Variants in PPFIA2 observed in about 807,000 individuals in gnomAD.
PPFIA2 encodes the protein PPFI scaffold protein A2.
In PPFIA2, 46 loss-of-function variants were observed where a neutral mutation model predicts 175.5. That is an observed-to-expected ratio of 0.26 (90% confidence interval 0.21 to 0.34). The LOEUF (loss-of-function observed/expected upper bound fraction) is 0.34, where lower values mean the gene tolerates loss of function less well. Ranked by LOEUF, PPFIA2 falls within the 10% of genes least tolerant of loss-of-function variation. The probability of loss-of-function intolerance (pLI) is 1.00; values close to 1 mark genes in which losing one functional copy is unlikely to be tolerated. For missense variants in PPFIA2, 1,179 were observed against 1,506.1 expected, an observed-to-expected ratio of 0.78 and a Z score of 3.60; for synonymous variants, 568 against 511.4, an observed-to-expected ratio of 1.11 and a Z score of -1.49.
chr12:81,465,813 A>G (rs940208050), intron 4 of PPFIA2, among the ~76,000 whole-genome samples: 3 of 152,176 alleles, frequency 2.0e-5, no homozygotes, highest in Admixed American at 6.5e-5. Flanking sequence ...CACTTAGTAT[A>G]TTTGCTGGTA....
chr12:81,701,493 G>A (rs1596528242), intron 3 of PPFIA2, among the ~76,000 whole-genome samples: 1 of 152,080 alleles, frequency 6.6e-6, no homozygotes, highest in Non-Finnish European at 1.5e-5. Flanking sequence ...GAATTTAGGG[G>A]TTAGAGCCTG....
intron 23 of PPFIA2, among the ~76,000 whole-genome samples, chr12:81,298,669 G>A (rs1882184): frequency 0.91 from 138,753 of 152,192 alleles, 63,918 homozygotes; most frequent in South Asian, 0.98. Context: ...TCAATGTCAA[G>A]GTCAGTTTCT....
At chr12:81,733,796 C>T (rs1222741610) in intron 3 of PPFIA2, among the ~76,000 whole-genome samples, 3 of 151,670 alleles carry the variant, frequency 2.0e-5, no homozygotes, top group Non-Finnish European at 4.4e-5. Flanking sequence ...TCATCAGTCA[C>T]CTCAAATAAG....
intron 4 of PPFIA2, among the ~76,000 whole-genome samples, chr12:81,649,827 T>C (rs1160932628): frequency 6.6e-6 from 1 of 152,150 alleles, no homozygotes; most frequent in Non-Finnish European, 1.5e-5. Context: ...AATTCCAGAA[T>C]TGTCAAAACT....
At chr12:81,264,787 C>G (rs1921033) in intron 30 of PPFIA2, among the ~76,000 whole-genome samples, 65,111 of 152,014 alleles carry the variant, frequency 0.43, 14,867 homozygotes, top group Non-Finnish European at 0.52. Flanking sequence ...GTCCGCTACT[C>G]TTCCCAACTG....
At chr12:81,549,677 T>C (rs1266229847) in intron 4 of PPFIA2, among the ~76,000 whole-genome samples, 1 of 152,036 alleles carries the variant, frequency 6.6e-6, no homozygotes, top group Non-Finnish European at 1.5e-5. Context: ...TGTGTGCTTA[T>C]GAGGTAAGAA....
chr12:81,266,962 C>A lies in PPFIA2; in HGVS notation c.3545G>T (p.Arg1182Leu), dbSNP rs1263941318. The A allele has an allele frequency of 6.2e-7, 1 of 1,611,462 alleles. No individual in the cohort carries two copies. The highest frequency in any genetic ancestry group is 8.5e-7 in the Non-Finnish European group (1 of 1,177,942). The stretch of plus-strand genomic sequence containing the variant: ...AACAGGTGGACTTACTTCATCCAGT[C>A]GCCTTTCAGTTCCCAGGGCCAAGAG... ...NNLLALGTER[R>L]LDESDDKNFR... Residue 1182 changes from arginine (R) to leucine (L), a missense_variant, in exon 30 of 33, where the codon CGA becomes CTA. This residue lies in a region of PPFIA2 where 245 missense variants were observed against 375.1 expected (regional missense o/e 0.65). Coordinates refer to ENST00000549396, the MANE Select transcript of PPFIA2 (RefSeq NM_003625.5).
chr12:81,701,000 T>C (rs1326110989), intron 3 of PPFIA2, among the ~76,000 whole-genome samples: 1 of 152,098 alleles, frequency 6.6e-6, no homozygotes, highest in Non-Finnish European at 1.5e-5. Context: ...AAACAAACCA[T>C]GGAGAAGTGA....
intron 8 of PPFIA2, among the ~76,000 whole-genome samples, chr12:81,401,367 T>C (rs917630165): frequency 6.6e-6 from 1 of 152,190 alleles, no homozygotes; most frequent in Non-Finnish European, 1.5e-5. Flanking sequence ...GGCAAGACTA[T>C]TTTATCTGAA....
intron 4 of PPFIA2, among the ~76,000 whole-genome samples, chr12:81,575,707 A>AT (rs2073397873): frequency 6.6e-6 from 1 of 151,844 alleles, no homozygotes; most frequent in Admixed American, 6.6e-5. Flanking sequence ...GAACATGATC[A>AT]TATCTATTTG....
intron 22 of PPFIA2, among the ~76,000 whole-genome samples, chr12:81,319,532 T>C (rs2053196643): frequency 6.6e-6 from 1 of 151,846 alleles, no homozygotes. Flanking sequence ...TTTTAGGTTC[T>C]AAAATGTTGT....
At position 81,606,712 on chromosome 12, in the gene PPFIA2, G is replaced by C. The variant is rs535051880; in HGVS notation, c.303+70079C>G. Among the ~76,000 whole-genome samples, 31 of 152,068 alleles carry C rather than the reference G, an allele frequency of 2.0e-4. No individual in the cohort carries two copies. The South Asian group carries it at 3.5e-3, about 17-fold the overall frequency. On this transcript the variant is annotated intron_variant, in intron 4 of 32. Transcript: ENST00000549396. ...AGTTCCTTAAAGATTCTGTATATTA[G>C]ACCTCTGTCAGACACATAGTTCACA...
At position 81,284,303 on chromosome 12, in the gene PPFIA2, G is replaced by T. The variant is rs764926785; in HGVS notation, c.2926C>A (p.Pro976Thr). ...SPSAPPTSRT[P>T]SGNVWVTHEE... Reference sequence around the variant, plus strand: ...TGAGTCACCCAAACGTTGCCTGAAGGCTAGTGAGGAGGCCCAGAGGGAAGC... The same window carrying T: ...TGAGTCACCCAAACGTTGCCTGAAGTCTAGTGAGGAGGCCCAGAGGGAAGC... The change falls in exon 25 of 33, where the codon CCT (proline) becomes ACT (threonine). Residue 976 changes from proline (P) to threonine (T), a missense_variant and splice_region_variant. By Grantham distance (38) the Pro-to-Thr change is conservative. Coordinates refer to ENST00000549396, the MANE Select transcript of PPFIA2 (RefSeq NM_003625.5). The T allele has an allele frequency of 1.9e-6, 3 of 1,586,214 alleles. No homozygotes were observed. The highest frequency in any genetic ancestry group is 2.6e-6 in the Non-Finnish European group (3 of 1,158,748).
chr12:81,263,419 T>A, intron 30 of PPFIA2, 29 bp from the exon 31 acceptor site: 1 of 1,589,882 alleles, frequency 6.3e-7, no homozygotes, highest in South Asian at 1.1e-5. Flanking sequence ...GGTGATGTTA[T>A]GAAAACAAGT....
At chr12:81,629,106 A>T (rs1286857077) in intron 4 of PPFIA2, among the ~76,000 whole-genome samples, 1 of 152,188 alleles carries the variant, frequency 6.6e-6, no homozygotes, top group Non-Finnish European at 1.5e-5. Flanking sequence ...TCACAATGAG[A>T]AATGAACATA....
chr12:81,697,749 G>T (rs997865927), intron 3 of PPFIA2, among the ~76,000 whole-genome samples: 1 of 151,980 alleles, frequency 6.6e-6, no homozygotes, highest in African/African-American at 2.4e-5. Flanking sequence ...ACTTTGCTTT[G>T]TTCACTGGTC....
chr12:81,419,305 A>G (rs2045859623), intron 7 of PPFIA2, among the ~76,000 whole-genome samples: 1 of 152,100 alleles, frequency 6.6e-6, no homozygotes, highest in South Asian at 2.1e-4. Flanking sequence ...GATGTTTGCA[A>G]CATCAGTCTG....
At chr12:81,667,060 A>T (rs529402839) in intron 4 of PPFIA2, among the ~76,000 whole-genome samples, 2 of 152,192 alleles carry the variant, frequency 1.3e-5, no homozygotes, top group Admixed American at 6.6e-5. Flanking sequence ...ATTATTTTGG[A>T]AACTTTCCTA....
chr12:81,577,310 C>G (rs997811266), intron 4 of PPFIA2, among the ~76,000 whole-genome samples: 1 of 151,840 alleles, frequency 6.6e-6, no homozygotes, highest in African/African-American at 2.4e-5. Context: ...TTTTCCTCCA[C>G]ATTTTCTCTT....
Sources: gnomAD v4.1 joint callset for allele counts (sites outside exome capture counted in the v4.1 genomes callset) on GRCh38, gnomAD v4.1.1 for gene constraint, gnomAD v4.1.1 regional missense constraint, MANE v1.5 for transcripts, NCBI Gene and HGNC (gene_info 2026-07-23, HGNC 2026-07-21) for gene names.